SATB1: variants seen among roughly 807,000 people sequenced by gnomAD.
SATB1 encodes SATB homeobox 1, also known as DNA-binding protein SATB1.
In SATB1, 11 loss-of-function variants were observed where a neutral mutation model predicts 86.9. That is an observed-to-expected ratio of 0.13 (90% CI 0.08 to 0.21). The LOEUF is 0.21. SATB1 is among the 10% of genes least tolerant of loss of function. The pLI, the probability that SATB1 is intolerant of heterozygous loss-of-function variation, is 1.00. For missense variants in SATB1, 551 were observed against 937.6 expected (o/e 0.59, Z 5.39); for synonymous variants, 357 against 357.2 (o/e 1.00, Z 0.01).
Position 18,386,716 on chromosome 3 carries a change from G to A in SATB1, c.1207-105C>T. ...ACTCTGTTTAGAAAATGAACAGTCA[G>A]AGGCATTAATTCTGCATAGGAATAT... On this transcript the variant is annotated intron_variant, in intron 7 of 10. Coordinates refer to ENST00000338745, the MANE Select transcript of SATB1 (RefSeq NM_002971.6). The surrounding 1 kb of genome is among the most constrained non-coding windows in gnomAD (Gnocchi z 4.5). 3.5e-6 allele frequency: 3 copies of A among 865,742 alleles called. No individual in the cohort carries two copies. In the East Asian group the frequency reaches 7.7e-5, roughly 22 times the overall value. The allele number at this position is 865,742 out of a possible 1,614,324, so 53.6% of individuals were successfully genotyped here. A position where few individuals can be genotyped will look rare whatever the true frequency, so the allele number is the denominator to read the frequency against.
intron 9 of SATB1, among the ~76,000 whole-genome samples, chr3:18,366,356 T>TGTGATA (rs1695185986): frequency 6.6e-6 from 1 of 152,068 alleles, no homozygotes; most frequent in Non-Finnish European, 1.5e-5. Flanking sequence ...CTGTGATTTC[T>TGTGATA]CATCAATCGA....
upstream of SATB1, among the ~76,000 whole-genome samples, chr3:18,443,368 C>G (rs1699290409): frequency 6.6e-6 from 1 of 152,220 alleles, no homozygotes; most frequent in African/African-American, 2.4e-5. This position sits in a 1 kb window ranked among gnomAD's most constrained non-coding sequence, Gnocchi z 4.4. Context: ...TTTTCCCTGT[C>G]TCTTTTATAA....
chr3:18,421,628 T>G (rs1455946546), intron 1 of SATB1, among the ~76,000 whole-genome samples: 1 of 152,160 alleles, frequency 6.6e-6, no homozygotes. Flanking sequence ...AGTCAAGTTT[T>G]GGGCCAAAGA....
Position 18,383,605 on chromosome 3 carries a change from T to C in SATB1, c.1419+2794A>G, listed in dbSNP as rs186349015. On this transcript the variant is annotated intron_variant, in intron 8 of 10. Transcript: ENST00000338745. ...TACTGATTTCACATGGACTCCTCTT[T>C]GGCAAAATGTAAAATTTAAAAAGAC... Among the ~76,000 whole-genome samples, 5 of 152,330 alleles carry C rather than the reference T, an allele frequency of 3.3e-5. No homozygotes were observed. In the East Asian group the frequency reaches 9.6e-4, roughly 29 times the overall value.
intron 8 of SATB1, among the ~76,000 whole-genome samples, chr3:18,381,010 T>C (rs549932025): frequency 1.1e-4 from 17 of 152,308 alleles, no homozygotes; most frequent in Middle Eastern, 3.4e-3. Flanking sequence ...ATAAATGCAG[T>C]TGCTTTCAGA....
chr3:18,369,880 T>A (rs1695377493), intron 9 of SATB1, among the ~76,000 whole-genome samples: 2 of 152,180 alleles, frequency 1.3e-5, no homozygotes, highest in South Asian at 4.1e-4. Context: ...CAGATCTGAT[T>A]AAGCCGGAGT....
intron 9 of SATB1, among the ~76,000 whole-genome samples, chr3:18,358,181 A>G (rs1694745856): frequency 6.6e-6 from 1 of 152,008 alleles, no homozygotes; most frequent in South Asian, 2.1e-4. Flanking sequence ...GAGGGCAAGA[A>G]GCGATGCACT....
rs753042194 is a variant in SATB1 at position 18,346,357 on chromosome 3, T to A, written c.*2813A>T. 1 of 152,142 alleles carries A rather than the reference T, an allele frequency of 6.6e-6. No individual in the cohort carries two copies. Among genetic ancestry groups the A allele is most frequent in the African/African-American group, 2.4e-5 (1 of 41,438 alleles). The allele number at this position is 152,142 out of a possible 1,614,324, so 9.4% of individuals were successfully genotyped here. A position where few individuals can be genotyped will look rare whatever the true frequency, so the allele number is the denominator to read the frequency against. On this transcript the variant is annotated 3_prime_UTR_variant, in exon 11 of 11. Coordinates refer to ENST00000338745, the MANE Select transcript of SATB1 (RefSeq NM_002971.6). ...GGTCTTAACAGCACAAAACGCTATG[T>A]CATGCCCAGCTTTTAAAAGTCTCTG...
At chr3:18,379,434 T>C (rs1243323539) in intron 8 of SATB1, among the ~76,000 whole-genome samples, 2 of 152,216 alleles carry the variant, frequency 1.3e-5, no homozygotes, top group African/African-American at 4.8e-5. Context: ...TCAGTTACTT[T>C]ACAGAACTCA....
At chr3:18,411,383 G>A (rs1270188292) in intron 5 of SATB1, among the ~76,000 whole-genome samples, 1 of 152,042 alleles carries the variant, frequency 6.6e-6, no homozygotes, top group African/African-American at 2.4e-5. Context: ...AACATTTTTA[G>A]AAGGAAGACA....
chr3:18,362,603 G>A (rs1694956324), intron 9 of SATB1, among the ~76,000 whole-genome samples: 1 of 151,450 alleles, frequency 6.6e-6, no homozygotes, highest in Admixed American at 6.6e-5. Flanking sequence ...TTTAAGACAG[G>A]ACAGCACCAT....
chr3:18,436,565 G>A (rs1476099897), intron 2 of SATB1, among the ~76,000 whole-genome samples: 1 of 149,316 alleles, frequency 6.7e-6, no homozygotes, highest in Non-Finnish European at 1.5e-5. Flanking sequence ...TGCAGATTAA[G>A]TGTTCAGATA....
chr3:18,379,361 A>G (rs1268644011), intron 8 of SATB1, among the ~76,000 whole-genome samples: 1 of 152,228 alleles, frequency 6.6e-6, no homozygotes, highest in Non-Finnish European at 1.5e-5. Context: ...AATATAAATG[A>G]AAAATTACTA....
intron 9 of SATB1, among the ~76,000 whole-genome samples, chr3:18,373,762 T>C (rs1237384373): frequency 6.6e-6 from 1 of 152,162 alleles, no homozygotes; most frequent in Non-Finnish European, 1.5e-5. Context: ...GAAAAGTAGA[T>C]GAAAGAGAAG....
intron 9 of SATB1, among the ~76,000 whole-genome samples, chr3:18,371,865 G>A (rs1050361079): frequency 4.6e-5 from 7 of 152,202 alleles, no homozygotes; most frequent in Non-Finnish European, 8.8e-5. Context: ...TTATAGCTGT[G>A]TGATAAGTTT....
At chr3:18,399,127 T>C (rs1240517790) in intron 5 of SATB1, among the ~76,000 whole-genome samples, 1 of 152,238 alleles carries the variant, frequency 6.6e-6, no homozygotes, top group Non-Finnish European at 1.5e-5. Context: ...ACATGAGTTC[T>C]AGATGTGGTT....
chr3:18,371,221 T>G (rs184935143), intron 9 of SATB1, among the ~76,000 whole-genome samples: 1 of 152,098 alleles, frequency 6.6e-6, no homozygotes, highest in Non-Finnish European at 1.5e-5. Flanking sequence ...CAAAGGAGAA[T>G]AGATTTTCTA....
intron 8 of SATB1, among the ~76,000 whole-genome samples, chr3:18,381,982 G>A (rs534482230): frequency 1.8e-4 from 27 of 152,190 alleles, no homozygotes; most frequent in African/African-American, 6.0e-4. Flanking sequence ...TTAATGGGAT[G>A]CATTTTATAA....
rs762186055 is a variant in SATB1, at chr3:18,349,654, T to C, written c.1808A>G (p.Gln603Arg). The C allele has an allele frequency of 2.5e-6, 4 of 1,610,302 alleles. No individual in the cohort carries two copies. The highest frequency in any genetic ancestry group is 3.4e-6 in the Non-Finnish European group (4 of 1,178,634). ...AGGCGGCGGTGCCTGCTGCTGCTGC[T>C]GCTGCTGTTGCTGTTGCTGCTGCTG... ...QQQQQQQQQQ[Q>R]QQQQAPPPPQ... is the part of the protein sequence containing the mutation. The change falls in exon 11 of 11, where the codon CAG (glutamine) becomes CGG (arginine). Residue 603 changes from glutamine (Q) to arginine (R), a missense_variant. Physicochemically the swap from Gln to Arg is conservative, Grantham distance 43 (BLOSUM62 1). Around this residue, in one of 8 missense-constraint regions of SATB1, gnomAD observed 87 missense variants for 103.6 expected, o/e 0.84. Transcript: ENST00000338745. This position sits in a 1 kb window ranked among gnomAD's most constrained non-coding sequence, Gnocchi z 5.5.
Sources: allele counts gnomAD v4.1 joint callset (sites outside exome capture counted in the v4.1 genomes callset), GRCh38; gene constraint gnomAD v4.1.1; regional missense constraint gnomAD v4.1.1; non-coding constraint Gnocchi (gnomAD v3.1); transcripts MANE v1.5; gene names NCBI Gene and HGNC (gene_info 2026-07-23, HGNC 2026-07-21).